Variants in CLASP1 observed in about 807,000 individuals in gnomAD.
The protein encoded by CLASP1 is cytoplasmic linker associated protein 1.
CLASP1 carries 38 observed loss-of-function variants against 192.3 expected under a neutral mutation model. The ratio of observed to expected loss-of-function variants is 0.20; its 90% CI spans 0.15 to 0.26. The LOEUF is 0.26. Among genes scored for constraint, CLASP1 ranks in the 10% least tolerant of loss-of-function variants. CLASP1 has a pLI of 1.00. For missense variants in CLASP1, 1,433 were observed against 1,932.5 expected (o/e 0.74, Z 4.85); for synonymous variants, 691 against 712.8 (o/e 0.97, Z 0.49).
chr2:121,592,732 G>T (rs866390852), intron 2 of CLASP1, among the ~76,000 whole-genome samples: 1 of 151,928 alleles, frequency 6.6e-6, no homozygotes, highest in South Asian at 2.1e-4. Context: ...GCTCACTGCA[G>T]GCTCTGCCCC....
intron 5 of CLASP1, among the ~76,000 whole-genome samples, chr2:121,526,130 G>A (rs1303191982): frequency 1.3e-5 from 2 of 152,212 alleles, no homozygotes; most frequent in Admixed American, 1.3e-4. Flanking sequence ...GCTTCTCCCA[G>A]ATAAGTCTTC....
intron 7 of CLASP1, among the ~76,000 whole-genome samples, chr2:121,511,618 A>C (rs946431396): frequency 1.3e-5 from 2 of 151,974 alleles, no homozygotes; most frequent in Admixed American, 6.6e-5. Context: ...AGAGAGAGAG[A>C]GCTGAAATTC....
chr2:121,348,480 C>CG lies in CLASP1; in HGVS notation c.4413+31dup, dbSNP rs1207147739. On this transcript the variant is annotated intron_variant, in intron 38 of 39. Transcript: ENST00000263710. ...TCAAGTTAGGCAACCCCACACAGGC[C>CG]GGGGGCAGGCCCCACCAACACGAGG... 10 of 1,567,692 alleles carry CG rather than the reference C, an allele frequency of 6.4e-6. No homozygotes were observed. In the African/African-American group the frequency reaches 1.1e-4, roughly 17 times the overall value.
intron 33 of CLASP1, 131 bp from the exon 35 acceptor site, chr2:121,377,780 G>A (rs1483486854): frequency 1.6e-6 from 1 of 616,850 alleles, no homozygotes; most frequent in East Asian, 3.0e-5. Context: ...GATTTGGAAT[G>A]AAAAGGAGAC....
intron 2 of CLASP1, among the ~76,000 whole-genome samples, chr2:121,590,431 A>C (rs2062250820): frequency 6.6e-6 from 1 of 152,236 alleles, no homozygotes; most frequent in South Asian, 2.1e-4. Context: ...TACATTAAAA[A>C]TATTTTAAAT....
chr2:121,553,919 A>G (rs1372460822), intron 2 of CLASP1, among the ~76,000 whole-genome samples: 1 of 152,154 alleles, frequency 6.6e-6, no homozygotes, highest in Non-Finnish European at 1.5e-5. Context: ...TATAATTAAA[A>G]TAACACTCAA....
At chr2:121,483,491 T>C (rs558088895) in intron 8 of CLASP1, among the ~76,000 whole-genome samples, 1 of 152,012 alleles carries the variant, frequency 6.6e-6, no homozygotes, top group African/African-American at 2.4e-5. Context: ...TGTATATATA[T>C]ATGTGTGTAT....
chr2:121,487,332 T>C (rs995817974), intron 8 of CLASP1, among the ~76,000 whole-genome samples: 6 of 151,928 alleles, frequency 3.9e-5, no homozygotes, highest in African/African-American at 1.5e-4. Context: ...GTATGTTTTG[T>C]TTTTTTTAAT....
chr2:121,567,325 T>C (rs752598999), intron 2 of CLASP1, among the ~76,000 whole-genome samples: 28 of 152,156 alleles, frequency 1.8e-4, no homozygotes, highest in Admixed American at 1.3e-3. Flanking sequence ...TTCCCAAGAA[T>C]AGGGGGAAGG....
At chr2:121,551,231 CACAGCCA>C (rs1446059698) in intron 2 of CLASP1, among the ~76,000 whole-genome samples, 1 of 152,158 alleles carries the variant, frequency 6.6e-6, no homozygotes, top group Non-Finnish European at 1.5e-5. Flanking sequence ...ATGACAAATG[CACAGCCA>C]ACACCATACT....
At chr2:121,598,915 G>C (rs1029092442) in intron 2 of CLASP1, among the ~76,000 whole-genome samples, 1 of 152,130 alleles carries the variant, frequency 6.6e-6, no homozygotes, top group African/African-American at 2.4e-5. Flanking sequence ...GCCCAGGCTA[G>C]AGTGCAGTGG....
chr2:121,575,032 G>C (rs181499151), intron 2 of CLASP1, among the ~76,000 whole-genome samples: 1 of 151,970 alleles, frequency 6.6e-6, no homozygotes, highest in Non-Finnish European at 1.5e-5. Flanking sequence ...TAATTAGCTC[G>C]ATTTAGCCAT....
intron 36 of CLASP1, chr2:121,364,660 G>T (rs557706073): frequency 5.3e-6 from 1 of 190,100 alleles, no homozygotes; most frequent in Admixed American, 5.3e-5. Flanking sequence ...ACATATGTAG[G>T]GGGGGACCAA....
At chr2:121,386,204 T>C (rs1016813155) in intron 32 of CLASP1, among the ~76,000 whole-genome samples, 2 of 152,250 alleles carry the variant, frequency 1.3e-5, no homozygotes, top group Non-Finnish European at 2.9e-5. Flanking sequence ...GATATCTTCC[T>C]AGTAACAAGG....
At chr2:121,528,170 G>A (rs1462935671) in intron 4 of CLASP1, among the ~76,000 whole-genome samples, 2 of 152,210 alleles carry the variant, frequency 1.3e-5, no homozygotes, top group Non-Finnish European at 2.9e-5. Flanking sequence ...TTATGGGTGA[G>A]GAAAGCAAGG....
exon 38 of CLASP1, chr2:121,348,551 C>G: frequency 6.2e-7 from 1 of 1,613,058 alleles, no homozygotes; most frequent in Non-Finnish European, 8.5e-7. Flanking sequence ...GGAGCTGCAG[C>G]AATGACTCCT....
chr2:121,567,342 C>T (rs541566443), intron 2 of CLASP1, among the ~76,000 whole-genome samples: 1 of 152,290 alleles, frequency 6.6e-6, no homozygotes, highest in African/African-American at 2.4e-5. Flanking sequence ...AAGGAGAGTA[C>T]CCCAGAGCTT....
rs75107021 is a variant in CLASP1, at chr2:121,397,394, T to G, written c.2980-111A>C. On this transcript the variant is annotated intron_variant, in intron 29 of 39. Coordinates refer to ENST00000263710, the Ensembl canonical transcript of CLASP1. ...CCCTGGTGAGGGGGATCTCCTTCCT[T>G]TCTCCTGTATCGATAGTTTCCACGT... 358 of 857,716 alleles carry G rather than the reference T, an allele frequency of 4.2e-4. 3 individuals carry two copies. In the African/African-American group the frequency reaches 5.5e-3, roughly 13 times the overall value. The allele number at this position is 857,716 out of a possible 1,614,324, so 53.1% of individuals were successfully genotyped here.
At chr2:121,588,581 G>T (rs1219611699) in intron 2 of CLASP1, among the ~76,000 whole-genome samples, 1 of 152,206 alleles carries the variant, frequency 6.6e-6, no homozygotes, top group Non-Finnish European at 1.5e-5. Context: ...GCACTGGGCA[G>T]TGCCTGGGCA....
Sources: gnomAD v4.1 joint callset for allele counts (sites outside exome capture counted in the v4.1 genomes callset) on GRCh38, gnomAD v4.1.1 for gene constraint, MANE v1.5 for transcripts, NCBI Gene and HGNC (gene_info 2026-07-23, HGNC 2026-07-21) for gene names.